LARGE1: variants seen among roughly 807,000 people sequenced by gnomAD.
LARGE1 encodes the protein xylosyl- and glucuronyltransferase LARGE1.
LARGE1 carries 43 observed loss-of-function variants against 87.6 expected under a neutral mutation model. The ratio of observed to expected loss-of-function variants is 0.49; its 90% CI spans 0.38 to 0.63. The LOEUF is 0.63. LARGE1 is among the 30% of genes least tolerant of loss of function. The pLI is 0.00. For synonymous variants in LARGE1, 434 were observed against 394.6 expected, an observed-to-expected ratio of 1.10 and a Z score of -1.18; for missense variants, 802 against 1,000.2, an observed-to-expected ratio of 0.80 and a Z score of 2.67.
At chr22:33,733,913 G>C (rs2083559925) in intron 2 of LARGE1, among the ~76,000 whole-genome samples, 1 of 152,198 alleles carries the variant, frequency 6.6e-6, no homozygotes, top group Admixed American at 6.5e-5. Context: ...AACAAACAAA[G>C]AATCACAACC....
intron 5 of LARGE1, among the ~76,000 whole-genome samples, chr22:33,583,625 A>G (rs2078583673): frequency 6.6e-6 from 1 of 152,208 alleles, no homozygotes; most frequent in Non-Finnish European, 1.5e-5. Context: ...TCTGCCCCTG[A>G]GCCCACTGAA....
the LARGE1 span, among the ~76,000 whole-genome samples, chr22:33,116,605 C>T: frequency 9.9e-5 from 15 of 151,980 alleles, no homozygotes; most frequent in African/African-American, 3.1e-4. Flanking sequence ...CCTCGTGATC[C>T]GCCCGCCTCG....
At chr22:33,886,735 G>C (rs1240692010) in intron 1 of LARGE1, among the ~76,000 whole-genome samples, 1 of 148,830 alleles carries the variant, frequency 6.7e-6, no homozygotes, top group Admixed American at 6.7e-5. Context: ...GAAAAGAGAA[G>C]AGAAAAACAT....
intron 1 of LARGE1, among the ~76,000 whole-genome samples, chr22:33,899,011 C>A (rs1271088421): frequency 6.6e-6 from 1 of 152,214 alleles, no homozygotes; most frequent in African/African-American, 2.4e-5. Context: ...CCACAAACCC[C>A]TGCTGCTCTT....
At chr22:33,745,623 G>C (rs557717842) in intron 2 of LARGE1, among the ~76,000 whole-genome samples, 4 of 152,188 alleles carry the variant, frequency 2.6e-5, no homozygotes, top group Non-Finnish European at 4.4e-5. Context: ...CAGCTTCTAG[G>C]AAAGGAAAGG....
At chr22:33,503,138 G>T (rs531854379) in intron 6 of LARGE1, among the ~76,000 whole-genome samples, 10 of 152,220 alleles carry the variant, frequency 6.6e-5, no homozygotes, top group African/African-American at 2.2e-4. Flanking sequence ...TGTGGGAAAG[G>T]TTATCCGCAA....
At chr22:33,690,671 A>G (rs1227180972) in intron 2 of LARGE1, among the ~76,000 whole-genome samples, 2 of 1,840 alleles carry the variant, frequency 1.1e-3, no homozygotes, top group African/African-American at 0.031. Flanking sequence ...AGAGAAGAGG[A>G]AAAAAAAAAA....
intron 6 of LARGE1, among the ~76,000 whole-genome samples, chr22:33,485,327 C>T (rs780522893): frequency 2.0e-5 from 3 of 151,912 alleles, no homozygotes; most frequent in African/African-American, 7.3e-5. Flanking sequence ...AATTCTCCTG[C>T]CCCAGCCTCC....
chr22:33,730,297 T>C (rs1303043933), intron 2 of LARGE1, among the ~76,000 whole-genome samples: 1 of 152,232 alleles, frequency 6.6e-6, no homozygotes, highest in Non-Finnish European at 1.5e-5. Context: ...CAGTATATAA[T>C]ATATAACATA....
rs74550830 is a variant in LARGE1, at chr22:33,283,291, C to A, written c.1788G>T (p.Ala596=). 4.3e-6 allele frequency: 7 copies of A among 1,614,110 alleles called. No homozygotes were observed. The East Asian group carries it at 1.1e-4, about 26-fold the overall frequency. The change falls in exon 13 of 15, where the codon GCG becomes GCT. Residue 596 remains alanine (A), a synonymous_variant. Coordinates refer to ENST00000397394, the MANE Select transcript of LARGE1 (RefSeq NM_133642.5). The part of the protein sequence containing the change: ...ANTKKAMIVP[A]FETLRYRLSF... ...ACAGCCGGTAGCGCAGTGTCTCGAACGCGGGGACAATCATTGCTTTCTTGG... is the reference window on the plus strand; with the variant it reads ...ACAGCCGGTAGCGCAGTGTCTCGAAAGCGGGGACAATCATTGCTTTCTTGG...
intron 6 of LARGE1, among the ~76,000 whole-genome samples, chr22:33,499,921 G>A (rs961014359): frequency 6.6e-6 from 1 of 152,014 alleles, no homozygotes; most frequent in African/African-American, 2.4e-5. Context: ...TTACAGGCGC[G>A]GGACACCATG....
chr22:33,379,871 C>T (rs1033295544), intron 9 of LARGE1, among the ~76,000 whole-genome samples: 5 of 152,088 alleles, frequency 3.3e-5, no homozygotes, highest in African/African-American at 4.8e-5. Flanking sequence ...CTCATATACA[C>T]AATAAAAGCT....
Position 33,326,516 on chromosome 22 carries a change from C to G in LARGE1, c.1288-10268G>C, listed in dbSNP as rs550377284. Among the ~76,000 whole-genome samples, 67 of 152,230 alleles carry G rather than the reference C, an allele frequency of 4.4e-4. 3 individuals carry two copies. The South Asian group carries it at 6.6e-3, about 15-fold the overall frequency. ...CTTACTTTATTGATTCCTCTTAAGTCTATCAGATAGGAATAACTAATTTCC... is the reference window on the plus strand; with the variant it reads ...CTTACTTTATTGATTCCTCTTAAGTGTATCAGATAGGAATAACTAATTTCC... On this transcript the variant is annotated intron_variant, in intron 10 of 14. Transcript: ENST00000397394.
chr22:33,776,439 A>G (rs566213041), intron 1 of LARGE1, among the ~76,000 whole-genome samples: 1 of 152,332 alleles, frequency 6.6e-6, no homozygotes, highest in Admixed American at 6.5e-5. Context: ...TCTTTAACGC[A>G]AATTTATCTT....
chr22:33,854,346 G>A (rs1324023353), intron 1 of LARGE1, among the ~76,000 whole-genome samples: 3 of 151,768 alleles, frequency 2.0e-5, no homozygotes, highest in Non-Finnish European at 4.4e-5. Flanking sequence ...GCAGTTGATG[G>A]CAGAAAAAAA....
chr22:33,764,031 GTAGAGATGGGGTTTCA>G (rs1472674076), intron 1 of LARGE1, among the ~76,000 whole-genome samples: 1 of 151,616 alleles, frequency 6.6e-6, no homozygotes, highest in East Asian at 2.0e-4. Flanking sequence ...TGTATTTTCA[GTAGAGATGGGGTTTCA>G]CCATCTTGGC....
chr22:33,717,760 A>G (rs1345912911), intron 2 of LARGE1, among the ~76,000 whole-genome samples: 1 of 152,214 alleles, frequency 6.6e-6, no homozygotes, highest in African/African-American at 2.4e-5. Flanking sequence ...GAAGGATGAA[A>G]ACTAATAAAA....
At chr22:33,445,818 T>G (rs1164583572) in intron 6 of LARGE1, among the ~76,000 whole-genome samples, 1 of 151,936 alleles carries the variant, frequency 6.6e-6, no homozygotes, top group African/African-American at 2.4e-5. Flanking sequence ...CTCGGCTACT[T>G]TTTGTATTTT....
At chr22:33,361,878 G>A (rs12628388) in intron 9 of LARGE1, among the ~76,000 whole-genome samples, 3 of 148,478 alleles carry the variant, frequency 2.0e-5, no homozygotes, top group African/African-American at 7.4e-5. Context: ...TCTGAGAGCA[G>A]GAACCATGGC....
Sources: gnomAD v4.1 joint callset for allele counts (sites outside exome capture counted in the v4.1 genomes callset) on GRCh38, gnomAD v4.1.1 for gene constraint, MANE v1.5 for transcripts, NCBI Gene and HGNC (gene_info 2026-07-23, HGNC 2026-07-21) for gene names.